NDUFAF2: variants seen among roughly 807,000 people sequenced by gnomAD.
The protein encoded by NDUFAF2 is NADH:ubiquinone oxidoreductase complex assembly factor 2, also known as NADH dehydrogenase [ubiquinone] 1 alpha subcomplex assembly factor 2.
A neutral mutation model predicts 22.8 loss-of-function variants in NDUFAF2; 13 were observed. That is an observed-to-expected ratio of 0.57 (90% CI 0.37 to 0.91). NDUFAF2 has a LOEUF of 0.91. Among genes scored for constraint, NDUFAF2 ranks in the 40% least tolerant of loss-of-function variants. The pLI is 0.01. For synonymous variants in NDUFAF2, 53 were observed against 64.2 expected (o/e 0.83, Z 0.84); for missense variants, 162 against 195.2 (o/e 0.83, Z 1.01).
chr5:60,956,534 C>T (rs1426766765), intron 1 of NDUFAF2, among the ~76,000 whole-genome samples: 1 of 152,092 alleles, frequency 6.6e-6, no homozygotes, highest in African/African-American at 2.4e-5. Flanking sequence ...CTATACCTGA[C>T]ACTAAGAATT....
Position 61,130,491 on chromosome 5 carries a change from T to C in NDUFAF2, c.259-22213T>C, listed in dbSNP as rs1465222157. On this transcript the variant is annotated intron_variant, in intron 3 of 3. Transcript: ENST00000296597. Reference sequence around the variant, plus strand: ...CGGAAGAATTTCCCCAGAGATCTTATATAACTTGCCTGACTCACTTGCCAT... The same window carrying C: ...CGGAAGAATTTCCCCAGAGATCTTACATAACTTGCCTGACTCACTTGCCAT... Among the ~76,000 whole-genome samples the C allele has an allele frequency of 5.3e-5, 8 of 152,132 alleles. No homozygotes were observed. In the South Asian group the frequency reaches 1.0e-3, roughly 20 times the overall value.
intron 1 of NDUFAF2, among the ~76,000 whole-genome samples, chr5:61,006,956 TAAAG>T: frequency 6.6e-6 from 1 of 152,098 alleles, no homozygotes; most frequent in East Asian, 1.9e-4. Context: ...ATTTATCTCT[TAAAG>T]AACGGATTTT....
At chr5:60,959,280 G>A (rs908295317) in intron 1 of NDUFAF2, among the ~76,000 whole-genome samples, 1 of 151,962 alleles carries the variant, frequency 6.6e-6, no homozygotes, top group African/African-American at 2.4e-5. Flanking sequence ...TGGCAGAATT[G>A]TTTTAAACAT....
chr5:60,991,215 A>G (rs945681337), intron 1 of NDUFAF2, among the ~76,000 whole-genome samples: 1 of 152,130 alleles, frequency 6.6e-6, no homozygotes, highest in Non-Finnish European at 1.5e-5. Flanking sequence ...GTAGGTGTAT[A>G]TATTTATGGG....
intron 3 of NDUFAF2, chr5:61,114,736 G>T (rs768537339): frequency 4.0e-5 from 6 of 151,888 alleles, no homozygotes; most frequent in Admixed American, 6.6e-5. Flanking sequence ...TTTAGTCACT[G>T]CATCTGTATC....
intron 1 of NDUFAF2, among the ~76,000 whole-genome samples, chr5:60,956,592 A>G (rs569263878): frequency 6.6e-6 from 1 of 152,142 alleles, no homozygotes; most frequent in Non-Finnish European, 1.5e-5. Context: ...TCCTGCATCT[A>G]TTGAGATGGT....
chr5:61,133,072 G>T (rs553881131), intron 3 of NDUFAF2, among the ~76,000 whole-genome samples: 4 of 152,224 alleles, frequency 2.6e-5, no homozygotes, highest in African/African-American at 9.6e-5. Context: ...TGCCTCTTTT[G>T]AGAAACAACA....
chr5:61,113,100 A>T (rs1406149154), intron 3 of NDUFAF2, among the ~76,000 whole-genome samples: 2 of 151,984 alleles, frequency 1.3e-5, no homozygotes, highest in African/African-American at 2.4e-5. Flanking sequence ...ATCTTACTCT[A>T]CTGTCTTGAA....
intron 1 of NDUFAF2, among the ~76,000 whole-genome samples, chr5:61,040,177 A>T (rs2545493): frequency 2.0e-5 from 3 of 151,618 alleles, no homozygotes; most frequent in Non-Finnish European, 2.9e-5. Context: ...TTGTCTATAC[A>T]GTTAAGTTAA....
At chr5:61,115,883 C>G (rs979896196) in intron 3 of NDUFAF2, 1 of 152,120 alleles carries the variant, frequency 6.6e-6, no homozygotes, top group African/African-American at 2.4e-5. Context: ...TGATATCGTA[C>G]AACGAGACAA....
chr5:60,976,976 G>A (rs1156438595), intron 1 of NDUFAF2, among the ~76,000 whole-genome samples: 1 of 152,108 alleles, frequency 6.6e-6, no homozygotes, highest in Non-Finnish European at 1.5e-5. Context: ...CTAGAAGTTT[G>A]TGCTTGTGTT....
At chr5:60,959,739 T>G (rs1182353250) in intron 1 of NDUFAF2, among the ~76,000 whole-genome samples, 1 of 152,124 alleles carries the variant, frequency 6.6e-6, no homozygotes, top group African/African-American at 2.4e-5. Flanking sequence ...TAAAAGTTTT[T>G]ATACAGGTTG....
intron 1 of NDUFAF2, among the ~76,000 whole-genome samples, chr5:60,978,883 G>A (rs1450597998): frequency 6.6e-6 from 1 of 152,090 alleles, no homozygotes; most frequent in Non-Finnish European, 1.5e-5. Flanking sequence ...AGTGCAGCTC[G>A]CAATTCTAAG....
In NDUFAF2 at chr5:60,945,346, A is replaced by G; in HGVS notation, c.91A>G (p.Lys31Glu). 1 of 1,614,184 alleles carries G rather than the reference A, an allele frequency of 6.2e-7. No homozygotes were observed. The highest frequency in any genetic ancestry group is 8.5e-7 in the Non-Finnish European group (1 of 1,180,032). ...EHVGTDQFGN[K>E]YYYIPQYKNW... ...CGTGGGCACGGACCAATTCGGGAAC[A>G]AATACTACTACATCCCGCAGTACAA... Residue 31 changes from lysine (K) to glutamate (E), a missense_variant, in exon 1 of 4, where the codon AAA becomes GAA. Coordinates refer to ENST00000296597, the MANE Select transcript of NDUFAF2 (RefSeq NM_174889.5).
chr5:61,014,230 C>G (rs1286000930), intron 1 of NDUFAF2, among the ~76,000 whole-genome samples: 1 of 152,184 alleles, frequency 6.6e-6, no homozygotes, highest in Non-Finnish European at 1.5e-5. Flanking sequence ...GCAATCATGC[C>G]TATTTAATGA....
intron 1 of NDUFAF2, among the ~76,000 whole-genome samples, chr5:60,982,059 C>T (rs1750985733): frequency 6.6e-6 from 1 of 152,100 alleles, no homozygotes; most frequent in Admixed American, 6.6e-5. Flanking sequence ...TCCCCACAAG[C>T]ACAAACAGCC....
At chr5:61,124,359 A>G (rs1185474762) in intron 3 of NDUFAF2, among the ~76,000 whole-genome samples, 1 of 151,890 alleles carries the variant, frequency 6.6e-6, no homozygotes, top group African/African-American at 2.4e-5. Flanking sequence ...TTCTATACCT[A>G]CTTCTTTGAA....
intron 1 of NDUFAF2, among the ~76,000 whole-genome samples, chr5:60,992,839 C>A (rs973953271): frequency 1.3e-5 from 2 of 152,092 alleles, no homozygotes; most frequent in African/African-American, 2.4e-5. Context: ...TTAAATATAT[C>A]AGGCCACTCT....
chr5:61,045,297 TAATAA>T (rs1213725556), intron 1 of NDUFAF2, among the ~76,000 whole-genome samples: 3 of 147,312 alleles, frequency 2.0e-5, no homozygotes, highest in South Asian at 2.1e-4. Context: ...TATTAAATTT[TAATAA>T]AATAAAATAA....
Sources: gnomAD v4.1 joint callset for allele counts (sites outside exome capture counted in the v4.1 genomes callset) on GRCh38, gnomAD v4.1.1 for gene constraint, MANE v1.5 for transcripts, NCBI Gene and HGNC (gene_info 2026-07-23, HGNC 2026-07-21) for gene names.